ZNF302: variants seen among roughly 807,000 people sequenced by gnomAD.
ZNF302 encodes the protein zinc finger protein 327.
Under a neutral mutation model 10.8 loss-of-function variants are expected in ZNF302, and 12 were observed. The ratio of observed to expected loss-of-function variants is 1.11; its 90% CI spans 0.71 to 1.79. The LOEUF (loss-of-function observed/expected upper bound fraction) is 1.79, where lower values mean the gene tolerates loss of function less well. Ranked by LOEUF, ZNF302 falls within the 40% of genes most tolerant of loss-of-function variation. ZNF302 has a pLI of 0.00. For synonymous variants in ZNF302, 178 were observed against 157.5 expected, an observed-to-expected ratio of 1.13 and a Z score of -0.98; for missense variants, 461 against 471.1, an observed-to-expected ratio of 0.98 and a Z score of 0.20.
chr19:34,679,521 G>A (rs116114180), intron 2 of ZNF302, among the ~76,000 whole-genome samples: 10 of 152,152 alleles, frequency 6.6e-5, no homozygotes, highest in Admixed American at 5.9e-4. Context: ...ATTCCTGTGC[G>A]CTCCAGCCTC....
rs539473878 is a variant in ZNF302, at chr19:34,685,621, A to G, written c.*384A>G. On this transcript the variant is annotated 3_prime_UTR_variant, in exon 5 of 5. Transcript: ENST00000505242. Reference sequence around the variant, plus strand: ...ATATGAATCCCTATACATGTGAGAAATCTTACAGAAGAGAAGCAGTGTTTA... The same window carrying G: ...ATATGAATCCCTATACATGTGAGAAGTCTTACAGAAGAGAAGCAGTGTTTA... 6.1e-4 allele frequency: 652 copies of G among 1,062,318 alleles called. 5 individuals carry two copies. The South Asian group carries it at 6.9e-3, about 11-fold the overall frequency. The allele number at this position is 1,062,318 out of a possible 1,614,324, so 65.8% of individuals were successfully genotyped here.
intron 4 of ZNF302, among the ~76,000 whole-genome samples, chr19:34,683,496 A>G (rs754623794): frequency 1.7e-4 from 26 of 152,224 alleles, no homozygotes; most frequent in Non-Finnish European, 3.7e-4. Context: ...TATTCATGAC[A>G]AAGTAAGACA....
chr19:34,680,271 G>A (rs1282773828), intron 2 of ZNF302, among the ~76,000 whole-genome samples: 2 of 152,300 alleles, frequency 1.3e-5, no homozygotes, highest in Admixed American at 6.5e-5. Context: ...CTGTTAGGAA[G>A]AGTTGTACAT....
At chr19:34,679,237 ATTAG>A (rs2068203244) in intron 2 of ZNF302, among the ~76,000 whole-genome samples, 3 of 152,234 alleles carry the variant, frequency 2.0e-5, no homozygotes, top group South Asian at 2.1e-4. Flanking sequence ...GCATCTGACC[ATTAG>A]TTAGCCCATC....
upstream of ZNF302, chr19:34,676,455 C>T (rs2067952451): frequency 6.6e-6 from 1 of 152,190 alleles, no homozygotes; most frequent in Non-Finnish European, 1.5e-5. Flanking sequence ...CACCTCTTTC[C>T]TGGAAAACTC....
At chr19:34,683,741 A>C (rs2145332780) in intron 4 of ZNF302, among the ~76,000 whole-genome samples, 1 of 152,302 alleles carries the variant, frequency 6.6e-6, no homozygotes, top group East Asian at 1.9e-4. Flanking sequence ...TATCTTTGTC[A>C]GCTATAAAGA....
rs374913967 is a variant in ZNF302, at chr19:34,684,702, T to C, written c.665T>C (p.Ile222Thr). 2.5e-5 allele frequency: 41 copies of C among 1,614,024 alleles called. No homozygotes were observed. The East Asian group carries it at 8.5e-4, about 33-fold the overall frequency. The change falls in exon 5 of 5, where the codon ATT (isoleucine) becomes ACT (threonine). Residue 222 changes from isoleucine (I) to threonine (T), a missense_variant. Ile to Thr is a moderately conservative substitution (Grantham distance 89). Coordinates refer to ENST00000505242, the MANE Select transcript of ZNF302 (RefSeq NM_001289187.2). Reference sequence around the variant, plus strand: ...TCAATCCTCAGTCGCCACTGGAGAATTCATACAGGAGAGAAGCCCTATGAA... The same window carrying C: ...TCAATCCTCAGTCGCCACTGGAGAACTCATACAGGAGAGAAGCCCTATGAA... ...KQSILSRHWR[I>T]HTGEKPYECR...
rs1445188059 is a variant in ZNF302, at chr19:34,684,688, T to G, written c.651T>G (p.Ser217Arg). The G allele has an allele frequency of 6.2e-7, 1 of 1,614,046 alleles. No individual in the cohort carries two copies. Residue 217 changes from serine (S) to arginine (R), a missense_variant, in exon 5 of 5, where the codon AGT becomes AGG. Transcript: ENST00000505242. Reference protein sequence around the residue: ...GKAFGKQSILSRHWRIHTGEK... With the variant: ...GKAFGKQSILRRHWRIHTGEK... The stretch of plus-strand genomic sequence containing the variant: ...CCTTTGGCAAACAGTCAATCCTCAG[T>G]CGCCACTGGAGAATTCATACAGGAG...
chr19:34,682,836 T>G lies in ZNF302; in HGVS notation c.69T>G (p.Ser23=), dbSNP rs755390426. The change falls in exon 3 of 5, where the codon TCT becomes TCG. Residue 23 remains serine (S), a synonymous_variant. Coordinates refer to ENST00000505242, the MANE Select transcript of ZNF302 (RefSeq NM_001289187.2). ...FSHEEWACLD[S]AQRDLYKDVM... is the part of the protein sequence containing the mutation. ...ATGAAGAGTGGGCATGCCTAGATTC[T>G]GCTCAGAGGGACTTATACAAGGATG... 1 of 1,613,890 alleles carries G rather than the reference T, an allele frequency of 6.2e-7. No individual in the cohort carries two copies. Among genetic ancestry groups the G allele is most frequent in the South Asian group, 1.1e-5 (1 of 91,078 alleles).
At chr19:34,678,261 T>G (rs776041055) in intron 1 of ZNF302, among the ~76,000 whole-genome samples, 158 bp downstream of exon 1, 31 of 151,032 alleles carry the variant, frequency 2.1e-4, no homozygotes, top group Non-Finnish European at 4.1e-4. Context: ...AAACGCCGTC[T>G]CTACTAAAAA....
At position 34,685,765 on chromosome 19, in the gene ZNF302, T is replaced by C. The variant is rs879343265; in HGVS notation, c.*528T>C. 6 of 546,928 alleles carry C rather than the reference T, an allele frequency of 1.1e-5. No homozygotes were observed. The highest frequency in any genetic ancestry group is 2.0e-5 in the Non-Finnish European group (6 of 302,376). The allele number at this position is 546,928 out of a possible 1,614,324, so 33.9% of individuals were successfully genotyped here. A position where few individuals can be genotyped will look rare whatever the true frequency, so the allele number is the denominator to read the frequency against. On this transcript the variant is annotated 3_prime_UTR_variant, in exon 5 of 5. Coordinates refer to ENST00000505242, the MANE Select transcript of ZNF302 (RefSeq NM_001289187.2). ...CTTTTAGCAATGATGCAGATTTTTT[T>C]ATTAGAGTTTATACTGTAGAGAAAT... is the stretch of plus-strand genomic sequence containing the variant.
chr19:34,683,216 G>A lies in ZNF302; in HGVS notation c.192G>A (p.Met64Ile). ...TGGAGGATGGAAAAGAGCCCTGGAT[G>A]ATGGAGAAAAAACTGTCAAAAGGTA... is the stretch of plus-strand genomic sequence containing the variant. ...MLLEDGKEPW[M>I]MEKKLSKDWE... The change falls in exon 4 of 5, where the codon ATG becomes ATA. Residue 64 changes from methionine to isoleucine, a missense_variant. Transcript: ENST00000505242. 2 of 1,614,060 alleles carry A rather than the reference G, an allele frequency of 1.2e-6. No individual in the cohort carries two copies. The highest frequency in any genetic ancestry group is 1.7e-6 in the Non-Finnish European group (2 of 1,179,946).
rs2068644837 is a variant in ZNF302 at position 34,686,177 on chromosome 19, G to A, written c.*940G>A. ...TGCTATTTGTAAACAGGATTATATAGGAGAGCAAATAAACATAAGTATGCA... is the reference window on the plus strand; with the variant it reads ...TGCTATTTGTAAACAGGATTATATAAGAGAGCAAATAAACATAAGTATGCA... On this transcript the variant is annotated 3_prime_UTR_variant, in exon 5 of 5. Transcript: ENST00000505242. 6.6e-6 allele frequency: 1 copy of A among 152,230 alleles called. No individual in the cohort carries two copies. The highest frequency in any genetic ancestry group is 6.5e-5 in the Admixed American group (1 of 15,278). 9.4% of individuals were successfully genotyped at this position (152,230 alleles called of 1,614,324 possible). A position where few individuals can be genotyped will look rare whatever the true frequency, so the allele number is the denominator to read the frequency against.
In ZNF302 at chr19:34,685,309, C is replaced by G. The variant is rs1351447505; in HGVS notation, c.*72C>G. On this transcript the variant is annotated 3_prime_UTR_variant, in exon 5 of 5. Coordinates refer to ENST00000505242, the MANE Select transcript of ZNF302 (RefSeq NM_001289187.2). Reference sequence around the variant, plus strand: ...TGAGAAATCACATTAGATTGAAACCCTACGAATGCAGTATATGTGGGAAAG... The same window carrying G: ...TGAGAAATCACATTAGATTGAAACCGTACGAATGCAGTATATGTGGGAAAG... 8.3e-5 allele frequency: 134 copies of G among 1,613,860 alleles called. 1 individual carries two copies. Among genetic ancestry groups the G allele is most frequent in the Middle Eastern group, 5.0e-4 (3 of 6,060 alleles).
Position 34,685,135 on chromosome 19 carries a change from GAA to G in ZNF302, c.1103_1104del (p.Lys368IlefsTer2). 1 of 1,610,548 alleles carries G rather than the reference GAA, an allele frequency of 6.2e-7. No individual in the cohort carries two copies. ...AACATCAAAGAATTCACAGTATGAA[GAA>G]AAAATATGAATGCAACAAATGTCTC... ...TQHQRIHSMKKKYECNKCLKV... is the reference protein window; with the variant it reads ...TQHQRIHSMKXKYECNKCLKV... On this transcript the variant is annotated frameshift_variant, in exon 5 of 5. Transcript: ENST00000505242. LOFTEE classifies it low-confidence loss of function (END_TRUNC).
intron 2 of ZNF302, among the ~76,000 whole-genome samples, chr19:34,680,718 T>C (rs977354490): frequency 2.0e-5 from 3 of 152,190 alleles, no homozygotes; most frequent in Non-Finnish European, 2.9e-5. Flanking sequence ...GTCAAAGATA[T>C]GAGAAATGTT....
intron 3 of ZNF302, 41 bp from the exon 4 acceptor site, chr19:34,683,114 G>T: frequency 6.2e-7 from 1 of 1,612,396 alleles, no homozygotes; most frequent in Non-Finnish European, 8.5e-7. Context: ...TCATAATAGA[G>T]GACCACAGCT....
At chr19:34,684,008 A>C in intron 4 of ZNF302, 1 of 1,484,074 alleles carries the variant, frequency 6.7e-7, no homozygotes, top group Non-Finnish European at 8.9e-7. Context: ...CATTTCCTTT[A>C]TCACACTCTG....
chr19:34,681,462 C>A (rs2068341734), intron 2 of ZNF302: 1 of 152,180 alleles, frequency 6.6e-6, no homozygotes, highest in Non-Finnish European at 1.5e-5. Context: ...TGGCAGGAGT[C>A]CTCAACCTTT....
Sources: allele counts gnomAD v4.1 joint callset (sites outside exome capture counted in the v4.1 genomes callset), GRCh38; gene constraint gnomAD v4.1.1; transcripts MANE v1.5; gene names NCBI Gene and HGNC (gene_info 2026-07-23, HGNC 2026-07-21).